Variants in PTPN2 observed in about 807,000 individuals in gnomAD.
The protein encoded by PTPN2 is protein tyrosine phosphatase non-receptor type 2, also known as tyrosine-protein phosphatase non-receptor type 2.
Under a neutral mutation model 57.3 loss-of-function variants are expected in PTPN2, and 19 were observed. The observed-to-expected ratio is 0.33, with a 90% confidence interval of 0.23 to 0.49. The LOEUF is 0.49. Among genes scored for constraint, PTPN2 ranks in the 20% least tolerant of loss-of-function variants. The pLI, the probability that PTPN2 is intolerant of heterozygous loss-of-function variation, is 0.99. For synonymous variants in PTPN2, 153 were observed against 164.9 expected (o/e 0.93, Z 0.55); for missense variants, 358 against 501.1 (o/e 0.71, Z 2.73).
At position 12,870,429 on chromosome 18, in the gene PTPN2, ATATATATATGTG is replaced by A. The variant is rs796610441; in HGVS notation, c.70-11187_70-11176del. ...CGTATATATATGTATATATATACGT[ATATATATATGTG>A]TATATATATATATATATATATAGAG... On this transcript the variant is annotated intron_variant, in intron 1 of 8. Transcript: ENST00000309660. Among the ~76,000 whole-genome samples, 318 of 39,982 alleles carry A rather than the reference ATATATATATGTG, an allele frequency of 8.0e-3. 5 individuals are homozygous for A. The highest frequency in any genetic ancestry group is 0.01 in the Non-Finnish European group (274 of 26,222). The allele number at this position is 39,982 out of a possible 152,430, so 26.2% of individuals were successfully genotyped here.
intron 5 of PTPN2, among the ~76,000 whole-genome samples, chr18:12,824,153 G>A (rs2042366428): frequency 6.6e-6 from 1 of 152,202 alleles, no homozygotes; most frequent in African/African-American, 2.4e-5. Context: ...TCTCAATGCA[G>A]TTTAAGACAC....
chr18:12,850,596 GTTTATT>G (rs1167856946), intron 2 of PTPN2, among the ~76,000 whole-genome samples: 25 of 151,564 alleles, frequency 1.6e-4, no homozygotes, highest in Non-Finnish European at 1.9e-4. Flanking sequence ...TTTATATATT[GTTTATT>G]TTTAAGTTTC....
At chr18:12,842,348 C>A (rs538113009) in intron 2 of PTPN2, among the ~76,000 whole-genome samples, 1 of 152,112 alleles carries the variant, frequency 6.6e-6, no homozygotes, top group Non-Finnish European at 1.5e-5. Context: ...GCAAACAATG[C>A]GGACCAAATA....
At chr18:12,856,449 C>T (rs2043592614) in intron 2 of PTPN2, among the ~76,000 whole-genome samples, 1 of 152,148 alleles carries the variant, frequency 6.6e-6, no homozygotes, top group Non-Finnish European at 1.5e-5. Flanking sequence ...GGAGAACATG[C>T]ACTGGGGGCT....
At chr18:12,850,397 G>C (rs753522261) in intron 2 of PTPN2, among the ~76,000 whole-genome samples, 8 of 151,928 alleles carry the variant, frequency 5.3e-5, no homozygotes, top group Non-Finnish European at 1.2e-4. Context: ...GCTGAGGCAG[G>C]AGAATTGCTT....
chr18:12,856,505 G>A (rs796926613), intron 2 of PTPN2, among the ~76,000 whole-genome samples: 1 of 152,108 alleles, frequency 6.6e-6, no homozygotes, highest in African/African-American at 2.4e-5. Context: ...TGCATGGTCC[G>A]CAGGAGGGAA....
rs1360933945 is a variant in PTPN2, at chr18:12,864,367, C to G, written c.70-5113G>C. On this transcript the variant is annotated intron_variant, in intron 1 of 8. Transcript: ENST00000309660. ...AATGGCCTTATAGCTTATCTCCATG[C>G]CCAAAGATTTTAAATTGTAAACATA... Among the ~76,000 whole-genome samples the G allele has an allele frequency of 6.6e-5, 10 of 151,902 alleles. No homozygotes were observed. The East Asian group carries it at 1.7e-3, about 26-fold the overall frequency.
At chr18:12,801,907 C>T in intron 8 of PTPN2, 63 bp downstream of exon 8, 2 of 1,405,910 alleles carry the variant, frequency 1.4e-6, no homozygotes, top group South Asian at 1.4e-5. Context: ...CACCTGGTCC[C>T]ATAAAATTTA....
At chr18:12,824,487 T>C (rs1464017258) in intron 5 of PTPN2, among the ~76,000 whole-genome samples, 3 of 152,214 alleles carry the variant, frequency 2.0e-5, no homozygotes, top group Non-Finnish European at 2.9e-5. Flanking sequence ...AGTGATCACT[T>C]AATTTACTTA....
At chr18:12,843,979 T>A (rs1333342393) in intron 2 of PTPN2, 1 of 152,206 alleles carries the variant, frequency 6.6e-6, no homozygotes, top group Non-Finnish European at 1.5e-5. Flanking sequence ...TAACCACCGA[T>A]CTGCTCTCCC....
At chr18:12,837,038 A>ATTC in intron 2 of PTPN2, 147 bp from the exon 3 acceptor site, 1 of 598,336 alleles carries the variant, frequency 1.7e-6, no homozygotes, top group Non-Finnish European at 2.9e-6. Context: ...ATCCTAAACT[A>ATTC]TTCTCTACTT....
intron 2 of PTPN2, among the ~76,000 whole-genome samples, chr18:12,851,512 G>T (rs187060823): frequency 0.14 from 1,340 of 9,710 alleles, 502 homozygotes; most frequent in Middle Eastern, 0.33. Flanking sequence ...AAAGAAAAAA[G>T]AATAATATTA....
At chr18:12,854,423 A>G (rs937760258) in intron 2 of PTPN2, among the ~76,000 whole-genome samples, 16 of 152,218 alleles carry the variant, frequency 1.1e-4, no homozygotes, top group Admixed American at 2.0e-4. Flanking sequence ...GGAAATTAGT[A>G]TTAGTGACGT....
chr18:12,864,573 T>C (rs1365136038), intron 1 of PTPN2, among the ~76,000 whole-genome samples: 3 of 152,022 alleles, frequency 2.0e-5, no homozygotes, highest in African/African-American at 7.2e-5. Flanking sequence ...TTTTTTTTTG[T>C]ATTTTTAGTA....
At chr18:12,834,786 A>G (rs1313005959) in intron 3 of PTPN2, among the ~76,000 whole-genome samples, 2 of 152,198 alleles carry the variant, frequency 1.3e-5, no homozygotes, top group Non-Finnish European at 2.9e-5. Flanking sequence ...AGAGAACAAA[A>G]AACCAGTAAG....
At chr18:12,804,289 CA>C (rs59927276) in intron 7 of PTPN2, among the ~76,000 whole-genome samples, 5 of 67,868 alleles carry the variant, frequency 7.4e-5, no homozygotes, top group South Asian at 6.4e-4. Flanking sequence ...GAAACTGTCT[CA>C]AAAAAAAAAA....
intron 3 of PTPN2, among the ~76,000 whole-genome samples, chr18:12,832,146 T>C (rs2145377714): frequency 6.6e-6 from 1 of 152,292 alleles, no homozygotes; most frequent in African/African-American, 2.4e-5. Context: ...TTTGAGATGG[T>C]GTCTCTGTCA....
intron 2 of PTPN2, among the ~76,000 whole-genome samples, chr18:12,847,617 A>ATT (rs201950400): frequency 3.6e-5 from 5 of 138,902 alleles, no homozygotes; most frequent in Non-Finnish European, 6.3e-5. Context: ...AAAATTAAAG[A>ATT]TTTTTTTTTT....
At chr18:12,857,866 G>C (rs1568154123) in intron 2 of PTPN2, among the ~76,000 whole-genome samples, 1 of 152,164 alleles carries the variant, frequency 6.6e-6, no homozygotes, top group Non-Finnish European at 1.5e-5. Context: ...AGCATTAAGA[G>C]AAACATAGTA....
Sources: allele counts gnomAD v4.1 joint callset (sites outside exome capture counted in the v4.1 genomes callset), GRCh38; gene constraint gnomAD v4.1.1; transcripts MANE v1.5; gene names NCBI Gene and HGNC (gene_info 2026-07-23, HGNC 2026-07-21).